ZNF521: variants seen among roughly 807,000 people sequenced by gnomAD.
The protein encoded by ZNF521 is LYST-interacting protein 3.
A neutral mutation model predicts 105.5 loss-of-function variants in ZNF521; 14 were observed. The observed-to-expected ratio is 0.13, with a 90% CI of 0.09 to 0.21. The LOEUF (loss-of-function observed/expected upper bound fraction) is 0.21. Ranked by LOEUF, ZNF521 falls within the 10% of genes least tolerant of loss-of-function variation. The probability of loss-of-function intolerance (pLI) is 1.00; values close to 1 mark genes in which losing one functional copy is unlikely to be tolerated. For missense variants in ZNF521, 1,233 were observed against 1,629.7 expected (o/e 0.76, Z 4.19); for synonymous variants, 635 against 606.0 (o/e 1.05, Z -0.70).
chr18:25,147,028 G>T (rs547721883), intron 5 of ZNF521, among the ~76,000 whole-genome samples: 1 of 152,106 alleles, frequency 6.6e-6, no homozygotes, highest in South Asian at 2.1e-4. Context: ...AGGGTTTTCT[G>T]CTTTGGTTTT....
chr18:25,269,133 G>T (rs1209553069), intron 3 of ZNF521, among the ~76,000 whole-genome samples: 1 of 150,026 alleles, frequency 6.7e-6, no homozygotes, highest in Non-Finnish European at 1.5e-5. Flanking sequence ...AGCAGGGGTT[G>T]CAATCCTAGT....
intron 5 of ZNF521, among the ~76,000 whole-genome samples, chr18:25,175,787 G>A (rs183579272): frequency 1.1e-4 from 16 of 152,162 alleles, no homozygotes; most frequent in African/African-American, 2.6e-4. Flanking sequence ...TTGGATCAAC[G>A]GTTTTGCTAC....
At chr18:25,141,270 T>C (rs1420738792) in intron 5 of ZNF521, among the ~76,000 whole-genome samples, 1 of 152,164 alleles carries the variant, frequency 6.6e-6, no homozygotes, top group Non-Finnish European at 1.5e-5. Context: ...TACGTGTTTG[T>C]TTCATGAAAA....
intron 3 of ZNF521, among the ~76,000 whole-genome samples, chr18:25,309,110 G>A (rs900917676): frequency 2.0e-5 from 3 of 152,190 alleles, no homozygotes; most frequent in African/African-American, 7.2e-5. Context: ...GCAAAGGGCA[G>A]GCAGACTGCT....
At chr18:25,169,868 T>C (rs2035416038) in intron 5 of ZNF521, among the ~76,000 whole-genome samples, 2 of 152,202 alleles carry the variant, frequency 1.3e-5, no homozygotes, top group Admixed American at 6.5e-5. Flanking sequence ...TCACTGTTTT[T>C]CTTCGGTATG....
At chr18:25,350,495 A>G (rs577821295) in intron 2 of ZNF521, among the ~76,000 whole-genome samples, 2 of 152,342 alleles carry the variant, frequency 1.3e-5, no homozygotes, top group African/African-American at 2.4e-5. Context: ...AAAGGAAAAA[A>G]GAAGCACCGC....
intron 5 of ZNF521, among the ~76,000 whole-genome samples, chr18:25,116,961 ATG>A (rs1567968677): frequency 4.6e-5 from 5 of 107,944 alleles, no homozygotes; most frequent in South Asian, 7.7e-4. Context: ...ATATGTATAT[ATG>A]TATATATATG....
intron 5 of ZNF521, among the ~76,000 whole-genome samples, chr18:25,097,108 A>T (rs1185526984): frequency 1.3e-5 from 2 of 152,142 alleles, no homozygotes; most frequent in Non-Finnish European, 2.9e-5. Context: ...CCGAGGAGTA[A>T]CAAAGAAAAG....
intron 5 of ZNF521, among the ~76,000 whole-genome samples, chr18:25,117,018 CAT>C (rs199539757): frequency 0.45 from 62,127 of 137,624 alleles, 14,306 homozygotes; most frequent in South Asian, 0.58. Flanking sequence ...CACACACACA[CAT>C]ATATATATAC....
At chr18:25,270,845 C>T (rs1052038213) in intron 3 of ZNF521, among the ~76,000 whole-genome samples, 8 of 152,172 alleles carry the variant, frequency 5.3e-5, no homozygotes, top group Non-Finnish European at 1.0e-4. Flanking sequence ...AAACTGGAAG[C>T]ATTCCCTTTG....
intron 3 of ZNF521, among the ~76,000 whole-genome samples, chr18:25,235,763 G>A (rs988017374): frequency 2.6e-5 from 4 of 152,146 alleles, no homozygotes; most frequent in Non-Finnish European, 4.4e-5. Flanking sequence ...AGGCCACACT[G>A]TATACTTCAC....
chr18:25,112,352 C>T (rs944135199), intron 5 of ZNF521, among the ~76,000 whole-genome samples: 2 of 152,092 alleles, frequency 1.3e-5, no homozygotes, highest in South Asian at 2.1e-4. Flanking sequence ...CCATCAGGGC[C>T]CCTTCCAGAA....
At chr18:25,147,497 C>T (rs1228039251) in intron 5 of ZNF521, among the ~76,000 whole-genome samples, 1 of 152,140 alleles carries the variant, frequency 6.6e-6, no homozygotes, top group African/African-American at 2.4e-5. Context: ...TAGAAGTACA[C>T]AGTTAACCAG....
intron 2 of ZNF521, among the ~76,000 whole-genome samples, chr18:25,334,248 A>T (rs887737296): frequency 6.6e-6 from 1 of 152,220 alleles, no homozygotes; most frequent in Non-Finnish European, 1.5e-5. Flanking sequence ...GCAGAAGAGT[A>T]GAAAAGGAGA....
At chr18:25,241,525 TG>T (rs1025584069) in intron 3 of ZNF521, among the ~76,000 whole-genome samples, 44 of 152,252 alleles carry the variant, frequency 2.9e-4, no homozygotes, top group African/African-American at 9.1e-4. Flanking sequence ...AAGAAATGCA[TG>T]GGTCAGGTTG....
chr18:25,160,511 A>C (rs534205646), intron 5 of ZNF521, among the ~76,000 whole-genome samples: 1 of 152,218 alleles, frequency 6.6e-6, no homozygotes, highest in Non-Finnish European at 1.5e-5. Context: ...ACTTATGCAC[A>C]CACACACACA....
At chr18:25,139,363 ACT>A (rs2034799117) in intron 5 of ZNF521, among the ~76,000 whole-genome samples, 1 of 120,998 alleles carries the variant, frequency 8.3e-6, no homozygotes, top group Non-Finnish European at 1.7e-5. Context: ...ACAGAGCAAG[ACT>A]CTGTCTCAAA....
intron 5 of ZNF521, among the ~76,000 whole-genome samples, chr18:25,152,644 G>A (rs180738928): frequency 6.6e-6 from 1 of 152,046 alleles, no homozygotes; most frequent in African/African-American, 2.4e-5. Context: ...AAGGAGAGGA[G>A]ACCCCGGAAA....
chr18:25,224,784 T>G lies in ZNF521; in HGVS notation c.3134A>C (p.Lys1045Thr). 1 of 1,614,008 alleles carries G rather than the reference T, an allele frequency of 6.2e-7. No individual in the cohort carries two copies. The highest frequency in any genetic ancestry group is 8.5e-7 in the Non-Finnish European group (1 of 1,180,010). Reference protein sequence around the residue: ...LKIHGTFHMQKTGNGSAVQTT... With the variant: ...LKIHGTFHMQTTGNGSAVQTT... ...CTGAACTGCAGACCCATTCCCTGTC[T>G]TTTGCATGTGGAACGTCCCATGGAT... The change falls in exon 4 of 8, where the codon AAG becomes ACG. Residue 1045 changes from lysine (K) to threonine (T), a missense_variant. Lys to Thr is a moderately conservative substitution (Grantham distance 78). Coordinates refer to ENST00000361524, the MANE Select transcript of ZNF521 (RefSeq NM_015461.3).
Sources: allele counts gnomAD v4.1 joint callset (sites outside exome capture counted in the v4.1 genomes callset), GRCh38; gene constraint gnomAD v4.1.1; transcripts MANE v1.5; gene names NCBI Gene and HGNC (gene_info 2026-07-23, HGNC 2026-07-21).